Variants in SLC7A9 observed in about 807,000 individuals in gnomAD.
The protein encoded by SLC7A9 is solute carrier family 7 member 9.
Under a neutral mutation model 54.1 loss-of-function variants are expected in SLC7A9, and 38 were observed. The ratio of observed to expected loss-of-function variants is 0.70; its 90% CI spans 0.54 to 0.92. SLC7A9 has a LOEUF of 0.92. Among genes scored for constraint, SLC7A9 ranks in the 40% least tolerant of loss-of-function variants. The pLI, the probability that SLC7A9 is intolerant of heterozygous loss-of-function variation, is 0.00. For synonymous variants in SLC7A9, 264 were observed against 258.9 expected, an observed-to-expected ratio of 1.02 and a Z score of -0.19; for missense variants, 537 against 636.1, an observed-to-expected ratio of 0.84 and a Z score of 1.68.
intron 9 of SLC7A9, 85 bp downstream of exon 9, chr19:32,858,355 G>A: frequency 1.0e-6 from 1 of 964,360 alleles, no homozygotes; most frequent in Non-Finnish European, 1.6e-6. Flanking sequence ...AGAACCCTGA[G>A]GATTTTAGCT....
chr19:32,862,674 T>TA (rs1016856702), intron 4 of SLC7A9, 88 bp from the exon 5 acceptor site: 400 of 1,267,158 alleles, frequency 3.2e-4, no homozygotes, highest in Middle Eastern at 1.2e-3. Context: ...TTTTATTTTT[T>TA]TTTTTTTTTG....
chr19:32,846,913 C>G (rs1342878170), intron 9 of SLC7A9, among the ~76,000 whole-genome samples: 2 of 152,182 alleles, frequency 1.3e-5, no homozygotes, highest in Admixed American at 6.5e-5. Flanking sequence ...GCTGCTGACA[C>G]CCAGGCAAAA....
At position 32,854,404 on chromosome 19, in the gene SLC7A9, C is replaced by CTA. The variant is rs1191598747; in HGVS notation, c.977+4034_977+4035dup. ...CCTGATCAAAATCCCAACAGCTTTA[C>CTA]TATAGAAACTGGCAAGCTGATTGTA... On this transcript the variant is annotated intron_variant, in intron 9 of 12. Coordinates refer to ENST00000023064, the MANE Select transcript of SLC7A9 (RefSeq NM_014270.5). Among the ~76,000 whole-genome samples, 51 of 152,174 alleles carry CTA rather than the reference C, an allele frequency of 3.4e-4. 1 individual carries two copies. Among genetic ancestry groups the CTA allele is most frequent in the Admixed American group, 3.3e-3 (50 of 15,264 alleles).
At position 32,868,472 on chromosome 19, in the gene SLC7A9, A is replaced by T; in HGVS notation, c.63T>A (p.Pro21=). Residue 21 remains proline (P), a synonymous_variant, in exon 2 of 13, where the codon CCT becomes CCA. Transcript: ENST00000023064. ...EDEKSIQSQE[P]KTTSLQKELG... is the part of the protein sequence containing the mutation. The stretch of plus-strand genomic sequence containing the variant: ...CCTCCTTTTGGAGACTGGTGGTCTT[A>T]GGCTCTTGGCTCTGGATCGACTTCT... 2 of 1,613,906 alleles carry T rather than the reference A, an allele frequency of 1.2e-6. No individual in the cohort carries two copies. Among genetic ancestry groups the T allele is most frequent in the Non-Finnish European group, 1.7e-6 (2 of 1,179,932 alleles).
At chr19:32,863,203 C>T (rs539702367) in intron 4 of SLC7A9, 1 of 152,676 alleles carries the variant, frequency 6.5e-6, no homozygotes, top group African/African-American at 2.4e-5. Context: ...CCTCCACCTC[C>T]CGGGTTCAAG....
intron 9 of SLC7A9, among the ~76,000 whole-genome samples, chr19:32,845,694 C>T (rs569309713): frequency 1.4e-4 from 21 of 152,220 alleles, no homozygotes; most frequent in Admixed American, 3.3e-4. Context: ...CAGTGAGCCA[C>T]GAAGGTCATT....
intron 2 of SLC7A9, among the ~76,000 whole-genome samples, chr19:32,866,203 C>T (rs1452158168): frequency 3.3e-5 from 5 of 152,166 alleles, no homozygotes; most frequent in Admixed American, 2.6e-4. Flanking sequence ...GGACTCTGCA[C>T]ACACCAGTGG....
chr19:32,830,775 C>T (rs1404156960), intron 12 of SLC7A9, 91 bp from the exon 13 acceptor site: 5 of 1,058,436 alleles, frequency 4.7e-6, no homozygotes, highest in Non-Finnish European at 7.3e-6. Flanking sequence ...ACATTGTTTT[C>T]AGTCTTTGGT....
At chr19:32,835,076 C>A (rs1215878816) in intron 11 of SLC7A9, among the ~76,000 whole-genome samples, 1 of 152,228 alleles carries the variant, frequency 6.6e-6, no homozygotes, top group African/African-American at 2.4e-5. Flanking sequence ...AGGCATGAGC[C>A]AATCACACCC....
Position 32,842,170 on chromosome 19 carries a change from T to C in SLC7A9, c.1222A>G (p.Lys408Glu). ...TGACTCTGGGGCTGCAAGCTTACCTTGATAGGCCTTTCCAGCTCTTTCCTT... is the reference window on the plus strand; with the variant it reads ...TGACTCTGGGGCTGCAAGCTTACCTCGATAGGCCTTTCCAGCTCTTTCCTT... ...FTRKELERPI[K>E]VPVVIPVLMT... Residue 408 changes from lysine (K) to glutamate (E), a missense_variant and splice_region_variant, in exon 11 of 13, where the codon AAG becomes GAG. Transcript: ENST00000023064. The C allele has an allele frequency of 6.2e-7, 1 of 1,614,176 alleles. No homozygotes were observed. The highest frequency in any genetic ancestry group is 2.2e-5 in the East Asian group (1 of 44,886).
At chr19:32,865,775 A>G (rs1010787129) in intron 2 of SLC7A9, among the ~76,000 whole-genome samples, 1 of 152,148 alleles carries the variant, frequency 6.6e-6, no homozygotes, top group Non-Finnish European at 1.5e-5. Context: ...GTGGGAGACC[A>G]GCCTGGCCAG....
chr19:32,847,607 A>G (rs1968338472), intron 9 of SLC7A9, among the ~76,000 whole-genome samples: 1 of 152,214 alleles, frequency 6.6e-6, no homozygotes. Flanking sequence ...GTTGGAAAAC[A>G]CTCTGCAGGG....
chr19:32,845,620 T>C (rs1968265939), intron 9 of SLC7A9, among the ~76,000 whole-genome samples: 1 of 152,196 alleles, frequency 6.6e-6, no homozygotes, highest in African/African-American at 2.4e-5. Flanking sequence ...GATGATCATA[T>C]AAAAATCTAG....
chr19:32,852,030 G>A (rs1244559889), intron 9 of SLC7A9, among the ~76,000 whole-genome samples: 1 of 152,074 alleles, frequency 6.6e-6, no homozygotes, highest in Non-Finnish European at 1.5e-5. Flanking sequence ...GTGGGGTGGG[G>A]GGAGCGGGGA....
At chr19:32,832,942 A>C in intron 12 of SLC7A9, 3 of 604,086 alleles carry the variant, frequency 5.0e-6, no homozygotes. Flanking sequence ...TTCCCTTCCT[A>C]CTTATTACAG....
intron 9 of SLC7A9, among the ~76,000 whole-genome samples, chr19:32,855,014 C>T (rs910232406): frequency 2.0e-5 from 3 of 152,154 alleles, no homozygotes; most frequent in African/African-American, 4.8e-5. Context: ...TTCATTACAA[C>T]GTTATTCACC....
At chr19:32,866,826 G>C (rs1259397634) in intron 2 of SLC7A9, among the ~76,000 whole-genome samples, 2 of 152,140 alleles carry the variant, frequency 1.3e-5, no homozygotes, top group Non-Finnish European at 2.9e-5. Context: ...TCTGCTGCCA[G>C]GCATGGGAGC....
chr19:32,834,979 A>G (rs528701202), intron 11 of SLC7A9, among the ~76,000 whole-genome samples: 3 of 152,126 alleles, frequency 2.0e-5, no homozygotes, highest in South Asian at 2.1e-4. Flanking sequence ...TAGTAGAGAC[A>G]GGGTTTCACC....
At chr19:32,865,948 G>A (rs1358025494) in intron 2 of SLC7A9, among the ~76,000 whole-genome samples, 2 of 77,196 alleles carry the variant, frequency 2.6e-5, no homozygotes, top group African/African-American at 6.8e-5. Context: ...GGGTGACAGT[G>A]AGACTGTCTC....
Sources: gnomAD v4.1 joint callset for allele counts (sites outside exome capture counted in the v4.1 genomes callset) on GRCh38, gnomAD v4.1.1 for gene constraint, MANE v1.5 for transcripts, NCBI Gene and HGNC (gene_info 2026-07-23, HGNC 2026-07-21) for gene names.